Variants in METRNL observed in about 807,000 individuals in gnomAD.
The protein encoded by METRNL is meteorin like, glial cell differentiation regulator.
A neutral mutation model predicts 17.4 loss-of-function variants in METRNL; 9 were observed. The observed-to-expected ratio is 0.52, with a 90% confidence interval of 0.31 to 0.90. The LOEUF is 0.90. METRNL is among the 40% of genes least tolerant of loss of function. The pLI, the probability that METRNL is intolerant of heterozygous loss-of-function variation, is 0.05. For missense variants in METRNL, 408 were observed against 430.7 expected (o/e 0.95, Z 0.47); for synonymous variants, 215 against 199.3 (o/e 1.08, Z -0.66).
chr17:83,081,385 T>G, intron 1 of METRNL, among the ~76,000 whole-genome samples: 1 of 151,700 alleles, frequency 6.6e-6, no homozygotes, highest in African/African-American at 2.4e-5. Flanking sequence ...CCAGGCCGAG[T>G]GTGTCGAGAA....
intron 2 of METRNL, among the ~76,000 whole-genome samples, chr17:83,091,485 G>A (rs1407320301): frequency 1.3e-5 from 2 of 152,230 alleles, no homozygotes; most frequent in Admixed American, 6.5e-5. Flanking sequence ...TTGACCACAT[G>A]TGCAGGCCCT....
intron 2 of METRNL, among the ~76,000 whole-genome samples, chr17:83,091,343 C>T (rs2038133820): frequency 1.3e-5 from 2 of 152,206 alleles, no homozygotes; most frequent in South Asian, 2.1e-4. Context: ...GGCACTGAGC[C>T]CGGCTGGGAG....
rs369737803 is a variant in METRNL at position 83,084,906 on chromosome 17, C to T, written c.171-32C>T. 2.7e-5 allele frequency: 43 copies of T among 1,583,502 alleles called. No individual in the cohort carries two copies. In the African/African-American group the frequency reaches 2.9e-4, roughly 11 times the overall value. ...CGGGTGGGGTGTGTGACGGGAGCTC[C>T]GGGCCTGGCTGACAGTGTCTCTCCT... On this transcript the variant is annotated intron_variant, in intron 1 of 3. Coordinates refer to ENST00000320095, the MANE Select transcript of METRNL (RefSeq NM_001004431.3).
At chr17:83,080,057 C>A in intron 1 of METRNL, 72 bp downstream of exon 1, 3 of 924,652 alleles carry the variant, frequency 3.2e-6, no homozygotes, top group Non-Finnish European at 3.9e-6. Flanking sequence ...GCCGGCCGAG[C>A]GTGCGGGGGC....
rs558823925 is a variant in METRNL, at chr17:83,092,753, G to A, written c.557-414G>A. Among the ~76,000 whole-genome samples the A allele has an allele frequency of 1.6e-4, 25 of 152,298 alleles. No homozygotes were observed. The East Asian group carries it at 4.4e-3, about 27-fold the overall frequency. ...TGGGCTTTGCATTTGCAACAGGCACGTGAGCGATTTCTCAGTGAGTCCGGC... is the reference window on the plus strand; with the variant it reads ...TGGGCTTTGCATTTGCAACAGGCACATGAGCGATTTCTCAGTGAGTCCGGC... On this transcript the variant is annotated intron_variant, in intron 2 of 3. Coordinates refer to ENST00000320095, the MANE Select transcript of METRNL (RefSeq NM_001004431.3).
chr17:83,079,941 C>G lies in METRNL; in HGVS notation c.126C>G (p.Gly42=), dbSNP rs2037962682. 2.0e-6 allele frequency: 2 copies of G among 1,012,188 alleles called. No individual in the cohort carries two copies. The highest frequency in any genetic ancestry group is 4.5e-5 in the South Asian group (1 of 22,366). The allele number at this position is 1,012,188 out of a possible 1,614,324, so 62.7% of individuals were successfully genotyped here. A position where few individuals can be genotyped will look rare whatever the true frequency, so the allele number is the denominator to read the frequency against. Residue 42 remains glycine, a synonymous_variant, in exon 1 of 4, where the codon GGC becomes GGG. Coordinates refer to ENST00000320095, the MANE Select transcript of METRNL (RefSeq NM_001004431.3). The part of the protein sequence containing the change: ...LLLLLAGLLG[G]AGAQYSSDRC... ...TGCTCCTGGCCGGGCTGCTGGGCGG[C>G]GCGGGCGCGCAGTACTCCAGCGACC...
At chr17:83,081,811 C>T (rs541848072) in intron 1 of METRNL, among the ~76,000 whole-genome samples, 3 of 150,606 alleles carry the variant, frequency 2.0e-5, no homozygotes, top group South Asian at 4.2e-4. Flanking sequence ...AGTGAGACTT[C>T]CTTTTGTTGT....
chr17:83,082,116 G>T (rs2037996872), intron 1 of METRNL: 1 of 985,318 alleles, frequency 1.0e-6, no homozygotes, highest in Non-Finnish European at 1.2e-6. Context: ...GGGGGAGGCG[G>T]GACCAGCGCC....
rs532565689 is a variant in METRNL, at chr17:83,094,878, G to A, written c.*303G>A. ...GTGTCTTAAAACGCCTTGGTGTGCC[G>A]TCTGATACTGTTCTCTAAAGACGTT... On this transcript the variant is annotated 3_prime_UTR_variant, in exon 4 of 4. Transcript: ENST00000320095. 73 of 315,700 alleles carry A rather than the reference G, an allele frequency of 2.3e-4. No individual in the cohort carries two copies. The highest frequency in any genetic ancestry group is 1.4e-3 in the Admixed American group (28 of 20,048). The allele number at this position is 315,700 out of a possible 1,614,324, so 19.6% of individuals were successfully genotyped here.
chr17:83,083,253 C>G (rs932234023), intron 1 of METRNL, among the ~76,000 whole-genome samples: 1 of 152,230 alleles, frequency 6.6e-6, no homozygotes, highest in Non-Finnish European at 1.5e-5. Context: ...CAGATGAAGG[C>G]AGTGCTGTCA....
rs1201520337 is a variant in METRNL, at chr17:83,094,493, C to G, written c.854C>G (p.Ala285Gly). The G allele has an allele frequency of 6.4e-7, 1 of 1,570,474 alleles. No individual in the cohort carries two copies. Among genetic ancestry groups the G allele is most frequent in the East Asian group, 2.3e-5 (1 of 43,832 alleles). Reference protein sequence around the residue: ...MHFGEARLGCAPRFKDFQRMY... With the variant: ...MHFGEARLGCGPRFKDFQRMY... Reference sequence around the variant, plus strand: ...TTCGGGGAGGCGCGGCTCGGCTGTGCCCCACGCTTCAAGGACTTCCAGAGG... The same window carrying G: ...TTCGGGGAGGCGCGGCTCGGCTGTGGCCCACGCTTCAAGGACTTCCAGAGG... Residue 285 changes from alanine (A) to glycine (G), a missense_variant, in exon 4 of 4, where the codon GCC becomes GGC. Ala to Gly is a moderately conservative substitution (Grantham distance 60, BLOSUM62 0). Coordinates refer to ENST00000320095, the MANE Select transcript of METRNL (RefSeq NM_001004431.3).
chr17:83,091,789 G>A (rs751094286), intron 2 of METRNL, among the ~76,000 whole-genome samples: 27 of 152,364 alleles, frequency 1.8e-4, no homozygotes, highest in East Asian at 5.8e-4. Context: ...AAATGGCACC[G>A]GCGAAACCAG....
intron 2 of METRNL, among the ~76,000 whole-genome samples, chr17:83,090,834 G>C (rs2143648182): frequency 6.6e-6 from 1 of 152,178 alleles, no homozygotes; most frequent in African/African-American, 2.4e-5. Flanking sequence ...AGATCCCCCA[G>C]TGCTCCCTCC....
At chr17:83,085,968 A>G (rs2038048686) in intron 2 of METRNL, among the ~76,000 whole-genome samples, 1 of 152,208 alleles carries the variant, frequency 6.6e-6, no homozygotes, top group African/African-American at 2.4e-5. Flanking sequence ...TCTTGTGGGT[A>G]CGATAAACAG....
intron 2 of METRNL, among the ~76,000 whole-genome samples, chr17:83,089,858 C>T (rs565040653): frequency 8.3e-4 from 127 of 152,200 alleles, no homozygotes; most frequent in South Asian, 1.2e-3. Flanking sequence ...GCTCAGCTGT[C>T]GTTGGGTCGT....
At chr17:83,080,031 T>C in intron 1 of METRNL, 46 bp downstream of exon 1, 1 of 954,364 alleles carries the variant, frequency 1.0e-6, no homozygotes, top group Non-Finnish European at 1.2e-6. Flanking sequence ...TCCCCTCGCG[T>C]CCCCTCCCGT....
intron 2 of METRNL, among the ~76,000 whole-genome samples, chr17:83,086,190 A>G (rs1298889954): frequency 1.3e-5 from 2 of 152,190 alleles, no homozygotes; most frequent in East Asian, 1.9e-4. Context: ...ACAGACTTCT[A>G]TCCTGAATGG....
At chr17:83,086,031 GAC>G (rs1184001353) in intron 2 of METRNL, among the ~76,000 whole-genome samples, 1 of 152,316 alleles carries the variant, frequency 6.6e-6, no homozygotes, top group Non-Finnish European at 1.5e-5. Flanking sequence ...GGCGTCTCTG[GAC>G]GCCTGTGCTT....
At chr17:83,091,757 G>A (rs1233447238) in intron 2 of METRNL, among the ~76,000 whole-genome samples, 7 of 152,220 alleles carry the variant, frequency 4.6e-5, no homozygotes, top group Admixed American at 6.5e-5. Context: ...GGCCAGGGAC[G>A]TTTCAGAGCC....
Sources: gnomAD v4.1 joint callset for allele counts (sites outside exome capture counted in the v4.1 genomes callset) on GRCh38, gnomAD v4.1.1 for gene constraint, MANE v1.5 for transcripts, NCBI Gene and HGNC (gene_info 2026-07-23, HGNC 2026-07-21) for gene names.